Variants in IL20RB observed in about 807,000 individuals in gnomAD.
The protein encoded by IL20RB is interleukin-20 receptor subunit beta.
A neutral mutation model predicts 33.3 loss-of-function variants in IL20RB; 21 were observed. That is an observed-to-expected ratio of 0.63 (90% confidence interval 0.45 to 0.91). The LOEUF (loss-of-function observed/expected upper bound fraction) is 0.91, where lower values mean the gene tolerates loss of function less well. Among genes scored for constraint, IL20RB ranks in the 40% least tolerant of loss-of-function variants. The pLI is 0.00. For synonymous variants in IL20RB, 147 were observed against 146.8 expected, an observed-to-expected ratio of 1.00 and a Z score of -0.01; for missense variants, 345 against 384.8, an observed-to-expected ratio of 0.90 and a Z score of 0.86.
intron 1 of IL20RB, among the ~76,000 whole-genome samples, chr3:136,978,750 C>T (rs1014486617): frequency 6.6e-6 from 1 of 152,042 alleles, no homozygotes; most frequent in Non-Finnish European, 1.5e-5. Context: ...ATATTTTCCT[C>T]ATCTGATTTT....
chr3:136,995,508 G>C lies in IL20RB; in HGVS notation c.777G>C (p.Arg259=). 1 of 1,614,142 alleles carries C rather than the reference G, an allele frequency of 6.2e-7. No homozygotes were observed. ...VVPLFVWKMG[R]LLQYSCCPVV... is the part of the protein sequence containing the mutation. ...CACTGTTCGTCTGGAAAATGGGCCG[G>C]CTGCTCCAGTACTCCTGTTGCCCCG... The change falls in exon 6 of 7, where the codon CGG becomes CGC. Residue 259 remains arginine (R), a synonymous_variant. Transcript: ENST00000329582.
chr3:136,995,120 C>T (rs568132133), intron 5 of IL20RB, among the ~76,000 whole-genome samples: 14 of 152,200 alleles, frequency 9.2e-5, no homozygotes, highest in South Asian at 4.1e-4. Context: ...TGCCAAGGTA[C>T]GTGCTAACAC....
intron 6 of IL20RB, among the ~76,000 whole-genome samples, chr3:137,006,190 C>T (rs536556849): frequency 6.6e-6 from 1 of 152,246 alleles, no homozygotes; most frequent in South Asian, 2.1e-4. Flanking sequence ...TTCTGGCTGC[C>T]CTTAACACTT....
rs1006854438 is a variant in IL20RB at position 136,993,184 on chromosome 3, G to A, written c.682+1096G>A. ...TCAACACCAGCCTGGGCAACATAGC[G>A]AGACCTCGTCTCATTTTAATAAATA... On this transcript the variant is annotated intron_variant, in intron 5 of 6. Coordinates refer to ENST00000329582, the MANE Select transcript of IL20RB (RefSeq NM_144717.4). Among the ~76,000 whole-genome samples, 7 of 152,118 alleles carry A rather than the reference G, an allele frequency of 4.6e-5. No individual in the cohort carries two copies. In the South Asian group the frequency reaches 8.3e-4, roughly 18 times the overall value.
At chr3:136,973,684 T>C (rs1941546637) in intron 1 of IL20RB, among the ~76,000 whole-genome samples, 1 of 152,202 alleles carries the variant, frequency 6.6e-6, no homozygotes, top group Non-Finnish European at 1.5e-5. Flanking sequence ...TCCCCAGTCA[T>C]TATATTGTAG....
At chr3:136,998,826 T>TA (rs1328094674) in intron 6 of IL20RB, among the ~76,000 whole-genome samples, 1 of 152,034 alleles carries the variant, frequency 6.6e-6, no homozygotes. Context: ...ACCCAGCTCT[T>TA]ACTACTTTAA....
At position 136,985,340 on chromosome 3, in the gene IL20RB, T is replaced by C. The variant is rs1459562924; in HGVS notation, c.406+2990T>C. Among the ~76,000 whole-genome samples, 101 of 47,592 alleles carry C rather than the reference T, an allele frequency of 2.1e-3. No individual in the cohort carries two copies. In the East Asian group the frequency reaches 0.095, roughly 45 times the overall value. The allele number at this position is 47,592 out of a possible 152,430, so 31.2% of individuals were successfully genotyped here. On this transcript the variant is annotated intron_variant, in intron 3 of 6. Transcript: ENST00000329582. ...TCCCTACTGTCTCTCTCTCTCTCTT[T>C]TTTTTTTTTTTTTTGAGATGGAGTT...
At chr3:136,966,139 A>G (rs1430110022) in intron 1 of IL20RB, among the ~76,000 whole-genome samples, 1 of 142,234 alleles carries the variant, frequency 7.0e-6, no homozygotes, top group Non-Finnish European at 1.5e-5. Flanking sequence ...TTCATCAAGG[A>G]TATAGGTCTA....
chr3:136,991,043 A>C (rs1337514420), intron 4 of IL20RB, among the ~76,000 whole-genome samples: 1 of 152,210 alleles, frequency 6.6e-6, no homozygotes, highest in Non-Finnish European at 1.5e-5. Flanking sequence ...GGTCCAGGCA[A>C]GCCTCCACAG....
intron 6 of IL20RB, among the ~76,000 whole-genome samples, chr3:136,998,129 C>CTTT (rs35491086): frequency 8.4e-6 from 1 of 119,414 alleles, no homozygotes; most frequent in Non-Finnish European, 1.7e-5. Context: ...ATTTTCTTTT[C>CTTT]TTTTTTTTTT....
chr3:136,989,390 A>G (rs1413762275), intron 3 of IL20RB, 51 bp from the exon 4 acceptor site: 1 of 1,608,220 alleles, frequency 6.2e-7, no homozygotes, highest in Admixed American at 1.7e-5. Context: ...GTTCCAGGGA[A>G]ATCAACCCTG....
intron 3 of IL20RB, 112 bp from the exon 4 acceptor site, chr3:136,989,329 C>A: frequency 7.9e-7 from 1 of 1,267,182 alleles, no homozygotes; most frequent in Non-Finnish European, 1.1e-6. Flanking sequence ...AGCAGACTCC[C>A]TTCCTCTCCT....
At chr3:136,978,951 TAATA>T (rs1326033010) in intron 1 of IL20RB, among the ~76,000 whole-genome samples, 6 of 152,198 alleles carry the variant, frequency 3.9e-5, no homozygotes, top group Non-Finnish European at 5.9e-5. Flanking sequence ...TTACATTAAT[TAATA>T]AATTGATTTG....
intron 1 of IL20RB, among the ~76,000 whole-genome samples, chr3:136,967,544 G>T (rs1401432583): frequency 4.6e-4 from 4 of 8,612 alleles, no homozygotes; most frequent in African/African-American, 2.1e-3. Context: ...TTTTCCATTG[G>T]CTTGGTAGAT....
intron 5 of IL20RB, among the ~76,000 whole-genome samples, chr3:136,994,579 C>G (rs1942091277): frequency 1.3e-5 from 2 of 152,270 alleles, no homozygotes. Flanking sequence ...ACTGGGCTAC[C>G]CTTCACATTG....
intron 6 of IL20RB, among the ~76,000 whole-genome samples, chr3:137,009,335 A>G (rs1933020131): frequency 2.0e-5 from 3 of 152,160 alleles, no homozygotes; most frequent in Non-Finnish European, 4.4e-5. Context: ...TGAAAAGTTG[A>G]TGTCTGCATG....
At chr3:136,981,736 A>G (rs916673156) in intron 2 of IL20RB, among the ~76,000 whole-genome samples, 1 of 152,232 alleles carries the variant, frequency 6.6e-6, no homozygotes, top group Non-Finnish European at 1.5e-5. Context: ...AGGCCAAAGC[A>G]TCTTGTAAGA....
At chr3:136,996,074 G>T (rs1187918959) in intron 6 of IL20RB, among the ~76,000 whole-genome samples, 1 of 152,152 alleles carries the variant, frequency 6.6e-6, no homozygotes, top group African/African-American at 2.4e-5. Context: ...CAGCAACCTG[G>T]ACCTTGATAG....
At chr3:137,009,898 A>T (rs1187795447) in intron 6 of IL20RB, among the ~76,000 whole-genome samples, 3 of 151,942 alleles carry the variant, frequency 2.0e-5, no homozygotes, top group Non-Finnish European at 4.4e-5. Flanking sequence ...AGGAACTCTG[A>T]CCAAGCAGGG....
Sources: allele counts gnomAD v4.1 joint callset (sites outside exome capture counted in the v4.1 genomes callset), GRCh38; gene constraint gnomAD v4.1.1; transcripts MANE v1.5; gene names NCBI Gene and HGNC (gene_info 2026-07-23, HGNC 2026-07-21).